The following ADAMTSL1 variants were observed in gnomAD, a reference collection of about 807,000 sequenced individuals.
ADAMTSL1 encodes the protein ADAMTS-like protein 1.
ADAMTSL1 carries 126 observed loss-of-function variants against 201.8 expected under a neutral mutation model. The observed-to-expected ratio is 0.62, with a 90% CI of 0.54 to 0.72. The LOEUF is 0.72. Ranked by LOEUF, ADAMTSL1 falls within the 30% of genes least tolerant of loss-of-function variation. ADAMTSL1 has a pLI of 0.00. For synonymous variants in ADAMTSL1, 1,121 were observed against 903.4 expected (o/e 1.24, Z -4.32); for missense variants, 2,679 against 2,277.8 (o/e 1.18, Z -3.59).
chr9:18,252,352 T>G (rs1831495840), intron 2 of ADAMTSL1, among the ~76,000 whole-genome samples: 1 of 152,060 alleles, frequency 6.6e-6, no homozygotes, highest in South Asian at 2.1e-4. Flanking sequence ...CAAATCAAAC[T>G]CAAAATGAGA....
chr9:18,816,425 C>T (rs146004900), intron 20 of ADAMTSL1, among the ~76,000 whole-genome samples: 12,805 of 151,932 alleles, frequency 0.084, 673 homozygotes, highest in East Asian at 0.28. Context: ...TTAGTAGAGA[C>T]GGGATTTCAC....
chr9:18,343,790 G>T (rs535247668), intron 2 of ADAMTSL1, among the ~76,000 whole-genome samples: 1 of 152,038 alleles, frequency 6.6e-6, no homozygotes, highest in African/African-American at 2.4e-5. Flanking sequence ...TAGGGTCCCT[G>T]GGCATTTGTG....
intron 2 of ADAMTSL1, among the ~76,000 whole-genome samples, chr9:18,283,929 AAGAAGAAG>A (rs1486134726): frequency 1.8e-4 from 17 of 92,606 alleles, no homozygotes; most frequent in Admixed American, 9.7e-4. Context: ...AAAAAAAAAA[AAGAAGAAG>A]AAGAAGAAGA....
intron 1 of ADAMTSL1, among the ~76,000 whole-genome samples, chr9:17,961,782 C>T (rs1334128704): frequency 6.6e-6 from 1 of 152,096 alleles, no homozygotes; most frequent in Non-Finnish European, 1.5e-5. Flanking sequence ...AATTTGAAGG[C>T]CTTTCCCATT....
intron 2 of ADAMTSL1, among the ~76,000 whole-genome samples, chr9:18,435,915 G>A (rs1056966402): frequency 6.6e-6 from 1 of 152,188 alleles, no homozygotes; most frequent in Non-Finnish European, 1.5e-5. Context: ...CCCACCACAG[G>A]TGGGAATTAT....
chr9:18,610,789 C>T (rs1470182342), intron 4 of ADAMTSL1, among the ~76,000 whole-genome samples: 4 of 152,196 alleles, frequency 2.6e-5, no homozygotes, highest in African/African-American at 4.8e-5. Context: ...TCCTCTCTAA[C>T]GTTGACACAC....
chr9:18,026,626 T>C (rs150182456), intron 1 of ADAMTSL1, among the ~76,000 whole-genome samples: 152 of 152,224 alleles, frequency 1.0e-3, no homozygotes, highest in African/African-American at 3.5e-3. Flanking sequence ...CTTGAGGATT[T>C]TTGTGACTGT....
At chr9:18,211,560 C>T (rs1232447900) in intron 2 of ADAMTSL1, among the ~76,000 whole-genome samples, 1 of 152,210 alleles carries the variant, frequency 6.6e-6, no homozygotes, top group Non-Finnish European at 1.5e-5. Context: ...GACTGAAAAT[C>T]TTCTGCTGAC....
At chr9:18,643,946 A>C (rs1490299564) in intron 7 of ADAMTSL1, among the ~76,000 whole-genome samples, 1 of 151,902 alleles carries the variant, frequency 6.6e-6, no homozygotes, top group Admixed American at 6.6e-5. Context: ...TGGAGATTCC[A>C]TTAAATCTGT....
At chr9:18,844,295 G>T (rs1024951056) in intron 23 of ADAMTSL1, among the ~76,000 whole-genome samples, 4 of 152,202 alleles carry the variant, frequency 2.6e-5, no homozygotes, top group Non-Finnish European at 5.9e-5. Context: ...TTTGCTAGAG[G>T]TCCACTCCAG....
chr9:18,685,924 AT>A (rs571372281), intron 13 of ADAMTSL1, among the ~76,000 whole-genome samples: 9,231 of 144,814 alleles, frequency 0.064, 421 homozygotes, highest in African/African-American at 0.14. Flanking sequence ...TTTTTTCCCT[AT>A]TTTTTTTTTT....
At chr9:17,941,439 T>C (rs2131347725) in intron 1 of ADAMTSL1, among the ~76,000 whole-genome samples, 1 of 152,242 alleles carries the variant, frequency 6.6e-6, no homozygotes, top group South Asian at 2.1e-4. Flanking sequence ...ATTTCTTAAT[T>C]GAGGAGACCA....
At chr9:18,288,481 G>T (rs1047990464) in intron 2 of ADAMTSL1, among the ~76,000 whole-genome samples, 5 of 152,224 alleles carry the variant, frequency 3.3e-5, no homozygotes, top group African/African-American at 1.2e-4. Context: ...ACTGAGTTAG[G>T]TTTCTTAATA....
At chr9:18,574,596 TG>T (rs3837242) in intron 4 of ADAMTSL1, 2 of 114,414 alleles carry the variant, frequency 1.7e-5, no homozygotes, top group East Asian at 3.7e-4. Context: ...TGTTTGTGTT[TG>T]TGTGTGTGTG....
At chr9:18,487,974 C>A (rs1007364492) in intron 1 of ADAMTSL1, among the ~76,000 whole-genome samples, 1 of 152,120 alleles carries the variant, frequency 6.6e-6, no homozygotes, top group Non-Finnish European at 1.5e-5. Context: ...TAGTGAGTGG[C>A]ATTTTTAAAA....
intron 15 of ADAMTSL1, among the ~76,000 whole-genome samples, chr9:18,725,981 A>G (rs1373558707): frequency 6.6e-6 from 1 of 152,172 alleles, no homozygotes; most frequent in Non-Finnish European, 1.5e-5. Context: ...ATTGATTTAG[A>G]CCTACTCTGT....
At chr9:18,372,336 C>T (rs192829841) in intron 2 of ADAMTSL1, among the ~76,000 whole-genome samples, 16 of 152,194 alleles carry the variant, frequency 1.1e-4, no homozygotes, top group African/African-American at 2.2e-4. Flanking sequence ...GAAAGGTAAT[C>T]GCATGCCGTG....
chr9:18,281,564 C>T (rs1832791575), intron 2 of ADAMTSL1, among the ~76,000 whole-genome samples: 1 of 152,116 alleles, frequency 6.6e-6, no homozygotes, highest in African/African-American at 2.4e-5. Context: ...TCAAGAAACA[C>T]AAAAAGGTCA....
At position 17,976,899 on chromosome 9, in the gene ADAMTSL1, T is replaced by G. The variant is rs1818475162; in HGVS notation, c.87+69977T>G. 2.0e-5 allele frequency among the ~76,000 whole-genome samples: 3 copies of G among 152,050 alleles called. No individual in the cohort carries two copies. In the South Asian group the frequency reaches 6.2e-4, roughly 31 times the overall value. On this transcript the variant is annotated intron_variant, in intron 1 of 29. Transcript: ENST00000680146. The stretch of plus-strand genomic sequence containing the variant: ...GAATATAAATGGCAAGAATAGGTAT[T>G]GTTTTTTCCTTCCTGATCTTAGAGA...
Sources: gnomAD v4.1 joint callset for allele counts (sites outside exome capture counted in the v4.1 genomes callset) on GRCh38, gnomAD v4.1.1 for gene constraint, MANE v1.5 for transcripts, NCBI Gene and HGNC (gene_info 2026-07-23, HGNC 2026-07-21) for gene names.